Variants in SV2B observed in about 807,000 individuals in gnomAD.
SV2B encodes synaptic vesicle glycoprotein 2B, also known as solute carrier family 22 member B2.
Under a neutral mutation model 73.9 loss-of-function variants are expected in SV2B, and 41 were observed. The ratio of observed to expected loss-of-function variants is 0.56; its 90% CI spans 0.43 to 0.72. The LOEUF is 0.72. Among genes scored for constraint, SV2B ranks in the 30% least tolerant of loss-of-function variants. The pLI, the probability that SV2B is intolerant of heterozygous loss-of-function variation, is 0.00. For missense variants in SV2B, 764 were observed against 857.8 expected, an observed-to-expected ratio of 0.89 and a Z score of 1.37; for synonymous variants, 314 against 314.2, an observed-to-expected ratio of 1.00 and a Z score of 0.01.
At chr15:91,292,029 C>T (rs2049058180) in intron 12 of SV2B, among the ~76,000 whole-genome samples, 1 of 151,920 alleles carries the variant, frequency 6.6e-6, no homozygotes, top group Non-Finnish European at 1.5e-5. Flanking sequence ...TTGTATACTT[C>T]TTCATCCTTT....
rs1407250001 is a variant in SV2B, at chr15:91,141,661, A to G, written c.-392+41298A>G. ...TTAGCCTATTGCCTGGCACACAGTG[A>G]ATGCTTAATAAATCATTCATATTAT... On this transcript the variant is annotated intron_variant, in intron 1 of 12. Transcript: ENST00000394232. This position sits in a 1 kb window ranked among gnomAD's most constrained non-coding sequence, Gnocchi z 4.6. Among the ~76,000 whole-genome samples, 3 of 152,182 alleles carry G rather than the reference A, an allele frequency of 2.0e-5. 1 individual carries two copies. Among genetic ancestry groups the G allele is most frequent in the Non-Finnish European group, 4.4e-5 (3 of 68,044 alleles).
At position 91,105,223 on chromosome 15, in the gene SV2B, G is replaced by A. The variant is rs1293394968; in HGVS notation, c.-392+4860G>A. Among the ~76,000 whole-genome samples, 1 of 152,180 alleles carries A rather than the reference G, an allele frequency of 6.6e-6. No individual in the cohort carries two copies. Among genetic ancestry groups the A allele is most frequent in the Non-Finnish European group, 1.5e-5 (1 of 68,032 alleles). On this transcript the variant is annotated intron_variant, in intron 1 of 12. Transcript: ENST00000394232. This position sits in a 1 kb window ranked among gnomAD's most constrained non-coding sequence, Gnocchi z 5.5. ...AAATAATGTATGTTTTATATCAGGT[G>A]ATTAAGGAATGTTGAGCAGGGAAAG...
chr15:91,155,335 A>G lies in SV2B; in HGVS notation c.-392+54972A>G, dbSNP rs572568637. On this transcript the variant is annotated intron_variant, in intron 1 of 12. Transcript: ENST00000394232. ...CTATGCCAGTGAGTATTAACTGTAG[A>G]TGGACGTGGTACTGACACACCAGTT... 3.2e-4 allele frequency among the ~76,000 whole-genome samples: 49 copies of G among 152,298 alleles called. 2 individuals are homozygous for G. The South Asian group carries it at 9.9e-3, about 31-fold the overall frequency.
intron 9 of SV2B, among the ~76,000 whole-genome samples, chr15:91,275,656 C>G (rs2048461193): frequency 6.6e-6 from 1 of 152,098 alleles, no homozygotes. Flanking sequence ...AAAACCTTGT[C>G]TCTACTAAAA....
intron 9 of SV2B, among the ~76,000 whole-genome samples, chr15:91,278,725 A>T (rs1239533175): frequency 6.6e-6 from 1 of 151,244 alleles, no homozygotes. Context: ...TTCAGGCAAG[A>T]ATTTGTTTCC....
chr15:91,216,177 C>A (rs2046018700), intron 1 of SV2B, among the ~76,000 whole-genome samples: 2 of 152,176 alleles, frequency 1.3e-5, no homozygotes, highest in Non-Finnish European at 2.9e-5. Context: ...CCATGCCAGC[C>A]AAATAAGCCC....
In SV2B at chr15:91,100,528, A is replaced by G. The variant is rs1390987919; in HGVS notation, c.-392+165A>G. Among the ~76,000 whole-genome samples, 1 of 152,138 alleles carries G rather than the reference A, an allele frequency of 6.6e-6. No individual in the cohort carries two copies. The highest frequency in any genetic ancestry group is 1.5e-5 in the Non-Finnish European group (1 of 68,010). ...ACAAAAGATCGGAGAGTCTTGAAAAACCGGCGCAGAAAAGCAAGGACTTGC... is the reference window on the plus strand; with the variant it reads ...ACAAAAGATCGGAGAGTCTTGAAAAGCCGGCGCAGAAAAGCAAGGACTTGC... On this transcript the variant is annotated intron_variant, in intron 1 of 12. Transcript: ENST00000394232. This position sits in a 1 kb window ranked among gnomAD's most constrained non-coding sequence, Gnocchi z 6.4.
Position 91,224,818 on chromosome 15 carries a change from A to C in SV2B, c.-391-1055A>C, listed in dbSNP as rs557437090. Among the ~76,000 whole-genome samples, 51 of 152,334 alleles carry C rather than the reference A, an allele frequency of 3.3e-4. No individual in the cohort carries two copies. Among genetic ancestry groups the C allele is most frequent in the African/African-American group, 1.1e-3 (46 of 41,578 alleles). Reference sequence around the variant, plus strand: ...CATGTTCTGGCACACAGTAGGCCACAATAAATGGTGGCCCCAAGCCTTGTG... The same window carrying C: ...CATGTTCTGGCACACAGTAGGCCACCATAAATGGTGGCCCCAAGCCTTGTG... On this transcript the variant is annotated intron_variant, in intron 1 of 12. Transcript: ENST00000394232. The surrounding 1 kb of genome is among the most constrained non-coding windows in gnomAD (Gnocchi z 4.9).
chr15:91,111,911 T>G (rs2042045816), intron 1 of SV2B, among the ~76,000 whole-genome samples: 1 of 151,916 alleles, frequency 6.6e-6, no homozygotes, highest in Non-Finnish European at 1.5e-5. Context: ...TTAGATCTCA[T>G]GAGAACTCAC....
chr15:91,167,437 G>T (rs72764757), intron 1 of SV2B, among the ~76,000 whole-genome samples: 34,878 of 152,114 alleles, frequency 0.23, 4,758 homozygotes, highest in African/African-American at 0.39. Flanking sequence ...AGGCCTGCAT[G>T]TCTTCTGGAG....
rs1307774357 is a variant in SV2B at position 91,129,568 on chromosome 15, G to A, written c.-392+29205G>A. Among the ~76,000 whole-genome samples, 1 of 152,154 alleles carries A rather than the reference G, an allele frequency of 6.6e-6. No homozygotes were observed. The highest frequency in any genetic ancestry group is 2.4e-5 in the African/African-American group (1 of 41,438). On this transcript the variant is annotated intron_variant, in intron 1 of 12. Coordinates refer to ENST00000394232, the MANE Select transcript of SV2B (RefSeq NM_001323032.3). The surrounding 1 kb of genome is among the most constrained non-coding windows in gnomAD (Gnocchi z 5.1). ...AGAACCAAAACAGAAGGTCACATGT[G>A]CCCAGCACAGCACACTGGGCACAGA...
chr15:91,185,142 G>A lies in SV2B; in HGVS notation c.-391-40731G>A, dbSNP rs142129183. On this transcript the variant is annotated intron_variant, in intron 1 of 12. Coordinates refer to ENST00000394232, the MANE Select transcript of SV2B (RefSeq NM_001323032.3). ...GCTGGAGTGCAGTGGTGCAATCATG[G>A]CTCACTGCAGCCTTGACCTCCCTGG... Among the ~76,000 whole-genome samples, 1,044 of 152,280 alleles carry A rather than the reference G, an allele frequency of 6.9e-3. 13 individuals are homozygous for A. Among genetic ancestry groups the A allele is most frequent in the African/African-American group, 0.023 (943 of 41,552 alleles).
chr15:91,176,046 C>G (rs1181114642), intron 1 of SV2B, among the ~76,000 whole-genome samples: 2 of 151,202 alleles, frequency 1.3e-5, no homozygotes, highest in East Asian at 1.9e-4. Context: ...CCCTTCCCCC[C>G]ACCCCACAAC....
chr15:91,195,260 C>T (rs766752349), intron 1 of SV2B, among the ~76,000 whole-genome samples: 6 of 152,240 alleles, frequency 3.9e-5, no homozygotes, highest in Non-Finnish European at 7.4e-5. Context: ...CAGGCTCAAG[C>T]GATTCTCCCA....
In SV2B at chr15:91,258,394, A is replaced by G. The variant is rs760946242; in HGVS notation, c.785-27A>G. The G allele has an allele frequency of 1.7e-4, 271 of 1,612,686 alleles. No individual in the cohort carries two copies. Among genetic ancestry groups the G allele is most frequent in the Non-Finnish European group, 2.2e-4 (258 of 1,179,388 alleles). On this transcript the variant is annotated intron_variant, in intron 4 of 12. Transcript: ENST00000394232. This position sits in a 1 kb window ranked among gnomAD's most constrained non-coding sequence, Gnocchi z 4.7. The stretch of plus-strand genomic sequence containing the variant: ...TAGAGGAAAAGATCATGTCCCAGAA[A>G]TCCTTTGACTGACTGCTCCTTTGCA...
intron 9 of SV2B, among the ~76,000 whole-genome samples, chr15:91,274,596 T>G (rs2048423343): frequency 1.3e-5 from 2 of 152,214 alleles, no homozygotes; most frequent in South Asian, 4.1e-4. Context: ...TTAGGACATT[T>G]AAAATCTGTT....
chr15:91,252,614 C>T lies in SV2B; in HGVS notation c.784+94C>T, dbSNP rs1275927416. The stretch of plus-strand genomic sequence containing the variant: ...TGTCCTCAGCCTTATTCCATGTACT[C>T]ACGCACAGTTCCCGTACGTGACCTT... On this transcript the variant is annotated intron_variant, in intron 4 of 12. Transcript: ENST00000394232. The surrounding 1 kb of genome is among the most constrained non-coding windows in gnomAD (Gnocchi z 4.6). 7.5e-7 allele frequency: 1 copy of T among 1,334,962 alleles called. No individual in the cohort carries two copies. Among genetic ancestry groups the T allele is most frequent in the African/African-American group, 1.5e-5 (1 of 66,846 alleles). The allele number at this position is 1,334,962 out of a possible 1,614,324, so 82.7% of individuals were successfully genotyped here. A position where few individuals can be genotyped will look rare whatever the true frequency, so the allele number is the denominator to read the frequency against.
At chr15:91,126,895 G>A (rs2042499479) in intron 1 of SV2B, among the ~76,000 whole-genome samples, 2 of 152,198 alleles carry the variant, frequency 1.3e-5, no homozygotes, top group Admixed American at 1.3e-4. Flanking sequence ...AGTGAACAAC[G>A]TCATAGTTAA....
chr15:91,249,580 C>G (rs920266889), intron 2 of SV2B, among the ~76,000 whole-genome samples: 2 of 151,994 alleles, frequency 1.3e-5, no homozygotes, highest in African/African-American at 4.8e-5. Flanking sequence ...GTTAAAGGAT[C>G]GAGTTGGTTT....
Sources: gnomAD v4.1 joint callset for allele counts (sites outside exome capture counted in the v4.1 genomes callset) on GRCh38, gnomAD v4.1.1 for gene constraint, Gnocchi (gnomAD v3.1) non-coding constraint, MANE v1.5 for transcripts, NCBI Gene and HGNC (gene_info 2026-07-23, HGNC 2026-07-21) for gene names.